PCDHGA9: variants seen among roughly 807,000 people sequenced by gnomAD.
PCDHGA9 encodes the protein protocadherin gamma-A9.
A neutral mutation model predicts 62.5 loss-of-function variants in PCDHGA9; 37 were observed. The observed-to-expected ratio is 0.59, with a 90% CI of 0.46 to 0.78. The LOEUF (loss-of-function observed/expected upper bound fraction) is 0.78, where lower values mean the gene tolerates loss of function less well. Ranked by LOEUF, PCDHGA9 falls within the 30% of genes least tolerant of loss-of-function variation. PCDHGA9 has a pLI of 0.00. For missense variants in PCDHGA9, 1,138 were observed against 1,166.2 expected (o/e 0.98, Z 0.35); for synonymous variants, 459 against 484.6 (o/e 0.95, Z 0.69).
At chr5:141,463,610 G>A (rs189991450) in intron 1 of PCDHGA9, among the ~76,000 whole-genome samples, 2 of 151,672 alleles carry the variant, frequency 1.3e-5, no homozygotes, top group Admixed American at 6.6e-5. Flanking sequence ...CACCATGCCC[G>A]GCTAATTTTT....
chr5:141,408,398 C>A, intron 1 of PCDHGA9: 3 of 1,614,028 alleles, frequency 1.9e-6, no homozygotes, highest in Non-Finnish European at 2.5e-6. Context: ...GGCTCGCAAG[C>A]TGCGAGTGAG....
Position 141,404,334 on chromosome 5 carries a change from T to TC in PCDHGA9, c.1385dup (p.Glu463GlyfsTer16). The stretch of plus-strand genomic sequence containing the variant: ...TCTCAAGCCTCCTACTCAGTCTACC[T>TC]CCCGGAAAACAACGCCAGAGGTACT... On this transcript the variant is annotated frameshift_variant, in exon 1 of 4. Coordinates refer to ENST00000573521, the MANE Select transcript of PCDHGA9 (RefSeq NM_018921.3). LOFTEE classifies it high-confidence loss of function. The TC allele has an allele frequency of 6.2e-7, 1 of 1,613,882 alleles. No homozygotes were observed. The highest frequency in any genetic ancestry group is 8.5e-7 in the Non-Finnish European group (1 of 1,179,812).
chr5:141,472,980 C>CAAAAAAAAAAAAAAAAAAAGAAAAAAAAA (rs60579131), intron 1 of PCDHGA9, among the ~76,000 whole-genome samples: 1 of 86,106 alleles, frequency 1.2e-5, no homozygotes, highest in Admixed American at 1.2e-4. Context: ...GAGTGAAACT[C>CAAAAAAAAAAAAAAAAAAAGAAAAAAAAA]AAAAAAAAAA....
chr5:141,420,188 A>G (rs775537913), intron 1 of PCDHGA9: 1 of 1,613,848 alleles, frequency 6.2e-7, no homozygotes, highest in South Asian at 1.1e-5. Context: ...TTGTCCAGCC[A>G]CACAAGATAA....
intron 2 of PCDHGA9, among the ~76,000 whole-genome samples, chr5:141,498,112 AG>A (rs947089103): frequency 2.0e-5 from 3 of 152,232 alleles, no homozygotes; most frequent in African/African-American, 7.2e-5. Flanking sequence ...GGCGTATAAT[AG>A]GGATTTGATT....
intron 1 of PCDHGA9, chr5:141,422,710 G>T: frequency 6.2e-7 from 1 of 1,603,486 alleles, no homozygotes; most frequent in African/African-American, 1.3e-5. Context: ...TCTGACGGAT[G>T]ACACTGTCCA....
At chr5:141,498,991 AG>A (rs1449718352) in intron 2 of PCDHGA9, among the ~76,000 whole-genome samples, 8 of 144,362 alleles carry the variant, frequency 5.5e-5, no homozygotes, top group Non-Finnish European at 1.0e-4. Context: ...GAAGGAAGGA[AG>A]GAAGGAAGGA....
At position 141,511,871 on chromosome 5, in the gene PCDHGA9, A is replaced by T. The variant is rs1306732557; in HGVS notation, c.*698A>T. On this transcript the variant is annotated 3_prime_UTR_variant, in exon 4 of 4. Coordinates refer to ENST00000573521, the MANE Select transcript of PCDHGA9 (RefSeq NM_018921.3). ...TTGTTTTTCATTGTTTGACGTTTCCACTGCATGCCTTGACTTCCCCCACCT... is the reference window on the plus strand; with the variant it reads ...TTGTTTTTCATTGTTTGACGTTTCCTCTGCATGCCTTGACTTCCCCCACCT... 1 of 156,376 alleles carries T rather than the reference A, an allele frequency of 6.4e-6. No homozygotes were observed. The highest frequency in any genetic ancestry group is 1.9e-4 in the East Asian group (1 of 5,268). 9.7% of individuals were successfully genotyped at this position (156,376 alleles called of 1,614,324 possible).
intron 1 of PCDHGA9, among the ~76,000 whole-genome samples, chr5:141,452,094 G>A (rs760924457): frequency 6.6e-6 from 1 of 152,162 alleles, no homozygotes; most frequent in South Asian, 2.1e-4. Context: ...CAGTAAGAAA[G>A]AGCTTTCTTT....
At chr5:141,427,361 A>C in intron 1 of PCDHGA9, 1 of 457,772 alleles carries the variant, frequency 2.2e-6, no homozygotes, top group Non-Finnish European at 4.4e-6. Flanking sequence ...AGGACGCAGA[A>C]CCCTGGACGG....
intron 3 of PCDHGA9, among the ~76,000 whole-genome samples, chr5:141,507,713 C>T (rs2099862763): frequency 6.6e-6 from 1 of 152,234 alleles, no homozygotes; most frequent in Non-Finnish European, 1.5e-5. Flanking sequence ...GGCCCCAAAC[C>T]CTCCAAGCAA....
At chr5:141,417,854 C>G in intron 1 of PCDHGA9, 2 of 1,543,902 alleles carry the variant, frequency 1.3e-6, no homozygotes, top group Non-Finnish European at 1.8e-6. Flanking sequence ...AGAACCCGAG[C>G]GAACGATGGG....
chr5:141,469,284 A>G lies in PCDHGA9; in HGVS notation c.2425-25523A>G, dbSNP rs192391622. On this transcript the variant is annotated intron_variant, in intron 1 of 3. Transcript: ENST00000573521. ...AGAGCAAGACCCCATCTCAAAAAAT[A>G]AAACAAAATAGACTGGGCACGATGG... Among the ~76,000 whole-genome samples, 595 of 152,012 alleles carry G rather than the reference A, an allele frequency of 3.9e-3. 6 individuals are homozygous for G. The highest frequency in any genetic ancestry group is 0.011 in the Admixed American group (171 of 15,260).
chr5:141,480,112 C>T (rs531082602), intron 1 of PCDHGA9, among the ~76,000 whole-genome samples: 2 of 152,190 alleles, frequency 1.3e-5, no homozygotes, highest in Admixed American at 1.3e-4. Flanking sequence ...TAGCATGGTG[C>T]CTGGCATATC....
At chr5:141,421,748 G>A (rs763166274) in intron 1 of PCDHGA9, 4 of 1,613,944 alleles carry the variant, frequency 2.5e-6, no homozygotes, top group South Asian at 2.2e-5. Context: ...TACCAGCTCA[G>A]CCCTAATAAT....
chr5:141,412,559 G>C (rs1408913988), intron 1 of PCDHGA9: 2 of 152,100 alleles, frequency 1.3e-5, no homozygotes, highest in African/African-American at 4.8e-5. Context: ...TATCTCATGA[G>C]TTTATTTAAT....
At position 141,486,881 on chromosome 5, in the gene PCDHGA9, G is replaced by T. The variant is rs114512641; in HGVS notation, c.2425-7926G>T. The T allele has an allele frequency of 1.3e-5, 21 of 1,614,090 alleles. No homozygotes were observed. The East Asian group carries it at 4.7e-4, about 36-fold the overall frequency. ...TGCTCCAGCTGTGCTCCGTCCTCGG[G>T]CCCGGCCTGGTTCCTTATGTCCCCA... is the stretch of plus-strand genomic sequence containing the variant. On this transcript the variant is annotated intron_variant, in intron 1 of 3. Coordinates refer to ENST00000573521, the MANE Select transcript of PCDHGA9 (RefSeq NM_018921.3). This position sits in a 1 kb window ranked among gnomAD's most constrained non-coding sequence, Gnocchi z 5.0.
Position 141,487,424 on chromosome 5 carries a change from C to T in PCDHGA9, c.2425-7383C>T, listed in dbSNP as rs759893122. 5 of 1,613,982 alleles carry T rather than the reference C, an allele frequency of 3.1e-6. No individual in the cohort carries two copies. The highest frequency in any genetic ancestry group is 1.7e-5 in the Admixed American group (1 of 60,000). On this transcript the variant is annotated intron_variant, in intron 1 of 3. Transcript: ENST00000573521. The surrounding 1 kb of genome is among the most constrained non-coding windows in gnomAD (Gnocchi z 5.0). ...GCTTCCCCCTTCCAATGGGATCCTC[C>T]GAATCCAGCTAGGGTCAGATGACCC...
Position 141,486,859 on chromosome 5 carries a change from T to C in PCDHGA9, c.2425-7948T>C, listed in dbSNP as rs1231188225. ...TTGTGCTGGACCTCAATGACAATGC[T>C]CCAGCTGTGCTCCGTCCTCGGGCCC... On this transcript the variant is annotated intron_variant, in intron 1 of 3. Transcript: ENST00000573521. The surrounding 1 kb of genome is among the most constrained non-coding windows in gnomAD (Gnocchi z 5.0). The C allele has an allele frequency of 1.9e-6, 3 of 1,614,242 alleles. No individual in the cohort carries two copies. The highest frequency in any genetic ancestry group is 2.7e-5 in the African/African-American group (2 of 75,072).
Sources: allele counts gnomAD v4.1 joint callset (sites outside exome capture counted in the v4.1 genomes callset), GRCh38; gene constraint gnomAD v4.1.1; non-coding constraint Gnocchi (gnomAD v3.1); transcripts MANE v1.5; gene names NCBI Gene and HGNC (gene_info 2026-07-23, HGNC 2026-07-21).